WDR13: variants seen among roughly 807,000 people sequenced by gnomAD.
WDR13 encodes WD repeat-containing protein 13.
A neutral mutation model predicts 28.6 loss-of-function variants in WDR13; 1 was observed. That is an observed-to-expected ratio of 0.03 (90% CI 0.01 to 0.17). WDR13 has a LOEUF of 0.17. Ranked by LOEUF, WDR13 falls within the 10% of genes least tolerant of loss-of-function variation. The pLI, the probability that WDR13 is intolerant of heterozygous loss-of-function variation, is 1.00. For missense variants in WDR13, 264 were observed against 469.3 expected, an observed-to-expected ratio of 0.56 and a Z score of 4.04; for synonymous variants, 201 against 185.9, an observed-to-expected ratio of 1.08 and a Z score of -0.66.
chrX:48,599,188 GAACTCGTGAGGAAGCC>G (rs2062164953), intron 3 of WDR13, 149 bp from the exon 4 acceptor site: 1 of 637,106 alleles, frequency 1.6e-6, no homozygotes, highest in Non-Finnish European at 2.4e-6. Context: ...AGGAACAGCA[GAACTCGTGAGGAAGCC>G]ACTGCAGTAG....
chrX:48,599,550 T>G, intron 4 of WDR13, 37 bp from the exon 5 acceptor site: 2 of 1,211,601 alleles, frequency 1.7e-6, no homozygotes, highest in Non-Finnish European at 2.2e-6. Flanking sequence ...CTCTCGCATC[T>G]ACCTCCTGTC....
At chrX:48,604,790 C>A (rs1405880930) in intron 9 of WDR13, 58 bp from the exon 10 acceptor site, 22 of 1,154,018 alleles carry the variant, frequency 1.9e-5, no homozygotes, top group Non-Finnish European at 2.6e-5. Context: ...ACCTCAGGGA[C>A]TTCCCACCAG....
In WDR13 at chrX:48,598,923, T is replaced by G; in HGVS notation, c.248T>G (p.Val83Gly). 1 of 1,208,613 alleles carries G rather than the reference T, an allele frequency of 8.3e-7. No individual in the cohort carries two copies. Among genetic ancestry groups the G allele is most frequent in the African/African-American group, 1.7e-5 (1 of 57,642 alleles). The change falls in exon 3 of 10, where the codon GTC becomes GGC. Residue 83 changes from valine to glycine, a missense_variant. Transcript: ENST00000376729. ...GCTCGTGCCTATAGCAACAGCATCG[T>G]CCGCAGTAGCCGCACTACTCTTGAC... The part of the protein sequence containing the change: ...GSARAYSNSI[V>G]RSSRTTLDRM...
rs2062192527 is a variant in WDR13, at chrX:48,602,320, G to A, written c.1154+114G>A. 39 of 889,056 alleles carry A rather than the reference G, an allele frequency of 4.4e-5. No homozygotes were observed. The South Asian group carries it at 8.9e-4, about 20-fold the overall frequency. The allele number at this position is 889,056 out of a possible 1,213,427, so 73.3% of individuals were successfully genotyped here. On this transcript the variant is annotated intron_variant, in intron 8 of 9. Coordinates refer to ENST00000376729, the MANE Select transcript of WDR13 (RefSeq NM_001347217.2). ...TTTAATTGAGGGAGCAGTAGTAGCA[G>A]TAACAGTAATAGCAGTAGTGAGCGC...
Position 48,604,971 on chromosome X carries a change from G to A in WDR13, c.1397G>A (p.Ser466Asn). ...VLDVSFNCDE[S>N]LLASSDASGM... ...GATGTCAGCTTCAACTGCGACGAGA[G>A]CCTACTGGCCTCCAGTGACGCCAGC... Residue 466 changes from serine (S) to asparagine (N), a missense_variant, in exon 10 of 10, where the codon AGC (serine) becomes AAC (asparagine). Coordinates refer to ENST00000376729, the MANE Select transcript of WDR13 (RefSeq NM_001347217.2). 8.3e-7 allele frequency: 1 copy of A among 1,211,264 alleles called. No individual in the cohort carries two copies. The highest frequency in any genetic ancestry group is 1.1e-6 in the Non-Finnish European group (1 of 894,904).
In WDR13 at chrX:48,598,982, C is replaced by T. The variant is rs782485339; in HGVS notation, c.282+25C>T. 3 of 1,180,064 alleles carry T rather than the reference C, an allele frequency of 2.5e-6. No individual in the cohort carries two copies. In the South Asian group the frequency reaches 5.6e-5, roughly 22 times the overall value. On this transcript the variant is annotated intron_variant, in intron 3 of 9. Coordinates refer to ENST00000376729, the MANE Select transcript of WDR13 (RefSeq NM_001347217.2). The stretch of plus-strand genomic sequence containing the variant: ...GGTGAGCTTCTGGCCACATTCACCC[C>T]CGGGCATACCCTGCCTGCACACATT...
chrX:48,603,790 G>A (rs2062203293), intron 8 of WDR13, among the ~76,000 whole-genome samples: 1 of 111,580 alleles, frequency 9.0e-6, no homozygotes, highest in South Asian at 3.7e-4. Flanking sequence ...CACAGTGTGG[G>A]CATACCATGG....
Position 48,607,348 on chromosome X carries a change from T to TTTG in WDR13, c.*2331_*2333dup, listed in dbSNP as rs1229514887. ...AGAGACTCAGCACCCAGAGGTTTTTTTTGTTGTTGTTGTTGTTTTGGTTTT... is the reference window on the plus strand; with the variant it reads ...AGAGACTCAGCACCCAGAGGTTTTTTTTGTTGTTGTTGTTGTTGTTTTGGTTTT... On this transcript the variant is annotated 3_prime_UTR_variant, in exon 10 of 10. Transcript: ENST00000376729. 1 of 95,223 alleles carries TTTG rather than the reference T, an allele frequency of 1.1e-5. No individual in the cohort carries two copies. Among genetic ancestry groups the TTTG allele is most frequent in the East Asian group, 3.5e-4 (1 of 2,843 alleles). 7.8% of individuals were successfully genotyped at this position (95,223 alleles called of 1,213,427 possible). A position where few individuals can be genotyped will look rare whatever the true frequency, so the allele number is the denominator to read the frequency against.
intron 2 of WDR13, 73 bp from the exon 3 acceptor site, chrX:48,598,644 G>T: frequency 9.3e-7 from 1 of 1,077,428 alleles, no homozygotes. Flanking sequence ...CTCTCCTGCC[G>T]TACCCCCCCC....
chrX:48,598,656 C>CG (rs2062160617), intron 2 of WDR13, 61 bp from the exon 3 acceptor site: 1 of 968,679 alleles, frequency 1.0e-6, no homozygotes, highest in African/African-American at 2.2e-5. Context: ...ACCCCCCCCC[C>CG]CGAGCTGATT....
rs1298399769 is a variant in WDR13, at chrX:48,608,726, T to C, written c.*3694T>C. ...TGATTGTGAATATTGTTGTGCATGA[T>C]TTTGGGGGTTTCCTCCTTGTGAAAT... On this transcript the variant is annotated 3_prime_UTR_variant, in exon 10 of 10. Coordinates refer to ENST00000376729, the MANE Select transcript of WDR13 (RefSeq NM_001347217.2). 1.8e-5 allele frequency: 2 copies of C among 112,001 alleles called. No individual in the cohort carries two copies. The highest frequency in any genetic ancestry group is 3.8e-5 in the Non-Finnish European group (2 of 53,234). The allele number at this position is 112,001 out of a possible 1,213,427, so 9.2% of individuals were successfully genotyped here. A position where few individuals can be genotyped will look rare whatever the true frequency, so the allele number is the denominator to read the frequency against.
rs782432154 is a variant in WDR13, at chrX:48,603,602, C to A, written c.1155-670C>A. On this transcript the variant is annotated intron_variant, in intron 8 of 9. Transcript: ENST00000376729. ...GGCGGAGGTTGCAGCGAGGCGAGAT[C>A]GTGCCATTGCACTCCAGCCTGGGTG... 4.5e-5 allele frequency among the ~76,000 whole-genome samples: 5 copies of A among 111,589 alleles called. No homozygotes were observed. In the South Asian group the frequency reaches 1.9e-3, roughly 42 times the overall value.
At chrX:48,598,182 C>A in intron 2 of WDR13, 145 bp downstream of exon 2, 1 of 1,131,849 alleles carries the variant, frequency 8.8e-7, no homozygotes, top group Non-Finnish European at 1.2e-6. Flanking sequence ...GGGGCGGGCA[C>A]GCCCGCGGTG....
chrX:48,599,132 C>A, intron 3 of WDR13, 175 bp downstream of exon 3: 1 of 786,225 alleles, frequency 1.3e-6, no homozygotes, highest in Non-Finnish European at 1.8e-6. Flanking sequence ...GGTCAGTAAA[C>A]ATATAGCAAG....
Position 48,606,695 on chromosome X carries a change from A to G in WDR13, c.*1663A>G, listed in dbSNP as rs2062222684. ...AATGTCAAAGTTACCTGAAGCAGCA[A>G]AGAGGCTCTTGCTCCGGCCCCTCCC... On this transcript the variant is annotated 3_prime_UTR_variant, in exon 10 of 10. Coordinates refer to ENST00000376729, the MANE Select transcript of WDR13 (RefSeq NM_001347217.2). 1 of 112,137 alleles carries G rather than the reference A, an allele frequency of 8.9e-6. No homozygotes were observed. Among genetic ancestry groups the G allele is most frequent in the South Asian group, 3.7e-4 (1 of 2,734 alleles). 9.2% of individuals were successfully genotyped at this position (112,137 alleles called of 1,213,427 possible). A position where few individuals can be genotyped will look rare whatever the true frequency, so the allele number is the denominator to read the frequency against.
intron 1 of WDR13, 21 bp from the exon 2 acceptor site, chrX:48,597,937 T>A: frequency 1.7e-6 from 2 of 1,159,195 alleles, no homozygotes; most frequent in Non-Finnish European, 1.1e-6. Flanking sequence ...GACGCTCACA[T>A]TCCAGGCCCT....
intron 1 of WDR13, 76 bp downstream of exon 1, chrX:48,597,690 G>A (rs1023480423): frequency 6.4e-6 from 2 of 310,203 alleles, no homozygotes; most frequent in Non-Finnish European, 1.1e-5. Flanking sequence ...GATGGGTGGA[G>A]AATGTCAAGC....
At chrX:48,604,172 C>A in intron 8 of WDR13, 100 bp from the exon 9 acceptor site, 4 of 714,451 alleles carry the variant, frequency 5.6e-6, no homozygotes, top group Non-Finnish European at 8.4e-6. Context: ...TTTCATGAAC[C>A]CTGTAAAGAA....
rs1206940941 is a variant in WDR13, at chrX:48,605,054, G to C, written c.*22G>C. On this transcript the variant is annotated 3_prime_UTR_variant, in exon 10 of 10. Coordinates refer to ENST00000376729, the MANE Select transcript of WDR13 (RefSeq NM_001347217.2). ...GTAGGGTCCTGTCGGCCCTGCTGCT[G>C]TCCTCCATCCCACCCCTCTTACTCC... is the stretch of plus-strand genomic sequence containing the variant. 38 of 1,187,937 alleles carry C rather than the reference G, an allele frequency of 3.2e-5. No individual in the cohort carries two copies. The highest frequency in any genetic ancestry group is 4.3e-5 in the Non-Finnish European group (38 of 879,565).
Sources: allele counts gnomAD v4.1 joint callset (sites outside exome capture counted in the v4.1 genomes callset), GRCh38; gene constraint gnomAD v4.1.1; transcripts MANE v1.5; gene names NCBI Gene and HGNC (gene_info 2026-07-23, HGNC 2026-07-21).